SIPA1L2: variants seen among roughly 807,000 people sequenced by gnomAD.
SIPA1L2 encodes the protein signal induced proliferation associated 1 like 2, also known as signal-induced proliferation-associated 1-like protein 2.
Under a neutral mutation model 163.9 loss-of-function variants are expected in SIPA1L2, and 56 were observed. The ratio of observed to expected loss-of-function variants is 0.34; its 90% CI spans 0.28 to 0.43. SIPA1L2 has a LOEUF of 0.43. SIPA1L2 is among the 20% of genes least tolerant of loss of function. The pLI, the probability that SIPA1L2 is intolerant of heterozygous loss-of-function variation, is 1.00. For missense variants in SIPA1L2, 1,974 were observed against 2,193.5 expected (o/e 0.90, Z 2.00); for synonymous variants, 877 against 865.7 (o/e 1.01, Z -0.23).
At chr1:232,623,882 A>G (rs531722099) in intron 1 of SIPA1L2, among the ~76,000 whole-genome samples, 2 of 152,162 alleles carry the variant, frequency 1.3e-5, no homozygotes, top group East Asian at 1.9e-4. Context: ...CCATTTCTCA[A>G]CTGCTATAAA....
intron 2 of SIPA1L2, among the ~76,000 whole-genome samples, chr1:232,561,009 T>C (rs1196112334): frequency 2.6e-5 from 4 of 152,230 alleles, no homozygotes; most frequent in African/African-American, 9.6e-5. Context: ...GAATCTACTA[T>C]GTTCCAGACA....
chr1:232,462,278 T>C (rs763961777), intron 9 of SIPA1L2: 4 of 1,550,540 alleles, frequency 2.6e-6, no homozygotes, highest in Non-Finnish European at 3.5e-6. Context: ...CTGTGGGAAT[T>C]TCAAGTTGGG....
intron 1 of SIPA1L2, among the ~76,000 whole-genome samples, chr1:232,622,396 T>C (rs1226508806): frequency 1.3e-5 from 2 of 152,230 alleles, no homozygotes; most frequent in Admixed American, 1.3e-4. Context: ...CATGATTTCC[T>C]GTAGAAATGA....
Position 232,461,146 on chromosome 1 carries a change from A to G in SIPA1L2, c.2836T>C (p.Cys946Arg). 1 of 1,614,180 alleles carries G rather than the reference A, an allele frequency of 6.2e-7. No homozygotes were observed. The change falls in exon 10 of 23, where the codon TGC becomes CGC. Residue 946 changes from cysteine (C) to arginine (R), a missense_variant. Coordinates refer to ENST00000674635, the MANE Select transcript of SIPA1L2 (RefSeq NM_020808.5). Reference protein sequence around the residue: ...VQRLVIVTRGCETVEMTLRRN... With the variant: ...VQRLVIVTRGRETVEMTLRRN... ...CTCAGGGTCATTTCCACAGTCTCGC[A>G]GCCTCTCGTCACTATCTAAGGGGGA...
upstream of SIPA1L2, among the ~76,000 whole-genome samples, chr1:232,630,171 G>A (rs1398375608): frequency 6.6e-6 from 1 of 151,494 alleles, no homozygotes. Context: ...CGCCCGCCCA[G>A]CGGCACCGCC....
At chr1:232,618,939 A>T (rs1662651466) in intron 1 of SIPA1L2, among the ~76,000 whole-genome samples, 1 of 152,230 alleles carries the variant, frequency 6.6e-6, no homozygotes, top group South Asian at 2.1e-4. Context: ...GAAAAAAAAC[A>T]TAATGACCAT....
At chr1:232,399,629 T>C (rs932446331) in intron 22 of SIPA1L2, among the ~76,000 whole-genome samples, 7 of 152,150 alleles carry the variant, frequency 4.6e-5, no homozygotes, top group African/African-American at 1.7e-4. Context: ...CAAAACTTTC[T>C]AAGTAGAAAA....
In SIPA1L2 at chr1:232,424,869, C is replaced by T. The variant is rs193016374; in HGVS notation, c.4630+720G>A. Among the ~76,000 whole-genome samples the T allele has an allele frequency of 5.3e-5, 8 of 151,908 alleles. No individual in the cohort carries two copies. In the East Asian group the frequency reaches 1.5e-3, roughly 29 times the overall value. On this transcript the variant is annotated intron_variant, in intron 18 of 22. Coordinates refer to ENST00000674635, the MANE Select transcript of SIPA1L2 (RefSeq NM_020808.5). ...AATGAATAGATTTCTGATTAAATTC[C>T]CATTTTTTCTGTACAAAAATAACTA...
intron 2 of SIPA1L2, among the ~76,000 whole-genome samples, chr1:232,544,950 T>G (rs1238181007): frequency 6.6e-6 from 1 of 152,176 alleles, no homozygotes; most frequent in African/African-American, 2.4e-5. Flanking sequence ...TTAAAGGCGT[T>G]AACAGGAATT....
At chr1:232,482,099 T>C (rs1047847094) in intron 6 of SIPA1L2, among the ~76,000 whole-genome samples, 2 of 152,234 alleles carry the variant, frequency 1.3e-5, no homozygotes, top group Non-Finnish European at 2.9e-5. Context: ...ATTATTAAAG[T>C]CAACATATCA....
chr1:232,467,984 T>C (rs183651923), intron 8 of SIPA1L2, among the ~76,000 whole-genome samples: 4 of 152,358 alleles, frequency 2.6e-5, no homozygotes, highest in South Asian at 2.1e-4. Context: ...ATGTATGCCA[T>C]ATTCTTGTTC....
intron 1 of SIPA1L2, among the ~76,000 whole-genome samples, chr1:232,613,950 C>T (rs1414897147): frequency 6.6e-6 from 1 of 152,168 alleles, no homozygotes; most frequent in Non-Finnish European, 1.5e-5. Context: ...GAACACTTAG[C>T]AGGAGGGCAT....
At chr1:232,417,297 C>T (rs968153898) in intron 18 of SIPA1L2, among the ~76,000 whole-genome samples, 1 of 152,188 alleles carries the variant, frequency 6.6e-6, no homozygotes, top group Non-Finnish European at 1.5e-5. Flanking sequence ...TTCCATGCTA[C>T]CTACCACCTT....
At chr1:232,429,976 G>A (rs978956554) in intron 16 of SIPA1L2, among the ~76,000 whole-genome samples, 2 of 152,180 alleles carry the variant, frequency 1.3e-5, no homozygotes, top group African/African-American at 4.8e-5. Flanking sequence ...TATAGAATAT[G>A]TGTTAAAATA....
At chr1:232,501,023 A>AT (rs908721751) in intron 3 of SIPA1L2, among the ~76,000 whole-genome samples, 1 of 132,352 alleles carries the variant, frequency 7.6e-6, no homozygotes, top group Non-Finnish European at 1.6e-5. Context: ...AGGCTCGGTG[A>AT]TTGTTAGCAC....
chr1:232,583,935 T>A (rs1254425206), intron 1 of SIPA1L2, among the ~76,000 whole-genome samples: 2 of 152,122 alleles, frequency 1.3e-5, no homozygotes, highest in African/African-American at 4.8e-5. Flanking sequence ...GAAACTAGAA[T>A]CCCTCTTCCC....
intron 2 of SIPA1L2, among the ~76,000 whole-genome samples, chr1:232,533,790 A>T (rs1026637285): frequency 3.3e-5 from 5 of 152,222 alleles, no homozygotes; most frequent in Non-Finnish European, 7.3e-5. Flanking sequence ...AAAGACACTT[A>T]TCTAAAGCTG....
intron 1 of SIPA1L2, among the ~76,000 whole-genome samples, chr1:232,623,609 A>AAAAAC (rs554931249): frequency 5.9e-5 from 9 of 152,268 alleles, no homozygotes; most frequent in South Asian, 4.1e-4. Flanking sequence ...CTCTGTCTCA[A>AAAAAC]AAAACAAAAC....
chr1:232,600,572 T>C (rs1661539627), intron 1 of SIPA1L2, among the ~76,000 whole-genome samples: 1 of 152,184 alleles, frequency 6.6e-6, no homozygotes, highest in African/African-American at 2.4e-5. Flanking sequence ...TGATTTTGCT[T>C]TCTGCCCAAG....
Sources: allele counts gnomAD v4.1 joint callset (sites outside exome capture counted in the v4.1 genomes callset), GRCh38; gene constraint gnomAD v4.1.1; transcripts MANE v1.5; gene names NCBI Gene and HGNC (gene_info 2026-07-23, HGNC 2026-07-21).